Variants in CTNND2 observed in about 807,000 individuals in gnomAD.
CTNND2 encodes catenin delta 2, also known as catenin delta-2.
CTNND2 carries 22 observed loss-of-function variants against 144.4 expected under a neutral mutation model. The observed-to-expected ratio is 0.15, with a 90% CI of 0.11 to 0.22. The LOEUF (loss-of-function observed/expected upper bound fraction) is 0.22. CTNND2 is among the 10% of genes least tolerant of loss of function. The pLI, the probability that CTNND2 is intolerant of heterozygous loss-of-function variation, is 1.00. For missense variants in CTNND2, 1,353 were observed against 1,618.8 expected (o/e 0.84, Z 2.82); for synonymous variants, 751 against 695.6 (o/e 1.08, Z -1.25).
chr5:11,697,213 T>C lies in CTNND2; in HGVS notation c.174+34923A>G, dbSNP rs141734418. The stretch of plus-strand genomic sequence containing the variant: ...CTCACTTTCAACTGTTATACAGAGG[T>C]TGTTGGAAAGTGTGCAAGCTGCCCC... On this transcript the variant is annotated intron_variant, in intron 2 of 21. Coordinates refer to ENST00000304623, the MANE Select transcript of CTNND2 (RefSeq NM_001332.4). Among the ~76,000 whole-genome samples the C allele has an allele frequency of 2.8e-3, 433 of 152,284 alleles. 2 individuals carry two copies. The highest frequency in any genetic ancestry group is 9.5e-3 in the African/African-American group (393 of 41,558).
At chr5:11,317,142 T>C (rs901948299) in intron 9 of CTNND2, among the ~76,000 whole-genome samples, 8 of 152,206 alleles carry the variant, frequency 5.3e-5, no homozygotes, top group African/African-American at 1.9e-4. Context: ...CCAGTTAGAA[T>C]GGCGATCATT....
intron 9 of CTNND2, among the ~76,000 whole-genome samples, chr5:11,294,786 T>C (rs1383280701): frequency 6.6e-6 from 1 of 152,150 alleles, no homozygotes; most frequent in Non-Finnish European, 1.5e-5. Flanking sequence ...TCAACAACCC[T>C]TCATGCTAAA....
intron 14 of CTNND2, among the ~76,000 whole-genome samples, chr5:11,106,460 G>A (rs1018967): frequency 0.19 from 28,503 of 152,178 alleles, 3,147 homozygotes; most frequent in Non-Finnish European, 0.26. Context: ...GGTCAGCAAA[G>A]TGACATAGAG....
intron 2 of CTNND2, among the ~76,000 whole-genome samples, chr5:11,613,287 T>C (rs1465721519): frequency 7.6e-6 from 1 of 131,934 alleles, no homozygotes; most frequent in Admixed American, 7.3e-5. Flanking sequence ...CATAATTTTG[T>C]AGATAAACGT....
At chr5:11,296,496 A>T (rs1186223666) in intron 9 of CTNND2, among the ~76,000 whole-genome samples, 1 of 152,166 alleles carries the variant, frequency 6.6e-6, no homozygotes, top group African/African-American at 2.4e-5. Context: ...TATACCCAAA[A>T]GATTATAAAA....
intron 16 of CTNND2, among the ~76,000 whole-genome samples, chr5:11,065,428 T>C (rs1392168758): frequency 6.6e-6 from 1 of 152,252 alleles, no homozygotes; most frequent in Non-Finnish European, 1.5e-5. Flanking sequence ...TACTTTGTCA[T>C]TCAAATTCTT....
At chr5:11,225,855 A>T (rs1740277438) in intron 10 of CTNND2, among the ~76,000 whole-genome samples, 1 of 152,220 alleles carries the variant, frequency 6.6e-6, no homozygotes, top group African/African-American at 2.4e-5. Flanking sequence ...GGGTCTACAT[A>T]GATGTAATCA....
intron 3 of CTNND2, among the ~76,000 whole-genome samples, chr5:11,468,478 G>A (rs1391459148): frequency 6.6e-6 from 1 of 152,012 alleles, no homozygotes; most frequent in Non-Finnish European, 1.5e-5. Context: ...GAGTTCCATG[G>A]TATCAGCCCC....
intron 3 of CTNND2, among the ~76,000 whole-genome samples, chr5:11,495,235 C>T (rs26139): frequency 0.6 from 91,255 of 151,958 alleles, 28,548 homozygotes; most frequent in African/African-American, 0.77. Flanking sequence ...CAAATGGTCA[C>T]CTTTATTAAT....
At chr5:11,651,714 T>G (rs1389636807) in intron 2 of CTNND2, among the ~76,000 whole-genome samples, 1 of 152,220 alleles carries the variant, frequency 6.6e-6, no homozygotes, top group African/African-American at 2.4e-5. Flanking sequence ...TCAAAGCAGA[T>G]TATTTTGGAG....
chr5:11,083,307 C>T (rs556810081), intron 15 of CTNND2, among the ~76,000 whole-genome samples: 4 of 152,248 alleles, frequency 2.6e-5, no homozygotes, highest in East Asian at 1.9e-4. Context: ...AGTTGCTGAA[C>T]GTGCTGTCAA....
intron 7 of CTNND2, among the ~76,000 whole-genome samples, chr5:11,366,656 G>T (rs1376720342): frequency 7.0e-6 from 1 of 142,000 alleles, no homozygotes; most frequent in Admixed American, 7.4e-5. Context: ...TGAAAATATT[G>T]CTAAGGATTT....
intron 2 of CTNND2, among the ~76,000 whole-genome samples, chr5:11,676,858 T>C (rs1217300570): frequency 6.6e-6 from 1 of 152,224 alleles, no homozygotes; most frequent in Non-Finnish European, 1.5e-5. Context: ...CTTCCATTAA[T>C]ATCAAACCTG....
chr5:11,181,637 C>T (rs1263533488), intron 11 of CTNND2, among the ~76,000 whole-genome samples: 2 of 151,814 alleles, frequency 1.3e-5, no homozygotes, highest in African/African-American at 2.4e-5. Context: ...AGCCAAAAAC[C>T]CAGGAGGCTC....
intron 3 of CTNND2, among the ~76,000 whole-genome samples, chr5:11,524,950 C>T (rs764278779): frequency 2.0e-5 from 3 of 152,106 alleles, no homozygotes; most frequent in Non-Finnish European, 2.9e-5. Flanking sequence ...ATAGCTTACT[C>T]ACAATTCTCA....
At chr5:11,315,778 A>T (rs1287021485) in intron 9 of CTNND2, among the ~76,000 whole-genome samples, 1 of 152,226 alleles carries the variant, frequency 6.6e-6, no homozygotes, top group Non-Finnish European at 1.5e-5. Flanking sequence ...ATGGAAGTGG[A>T]TGGCTACAAT....
intron 3 of CTNND2, among the ~76,000 whole-genome samples, chr5:11,443,139 C>A (rs1764426409): frequency 6.7e-6 from 1 of 150,142 alleles, no homozygotes; most frequent in Non-Finnish European, 1.5e-5. Flanking sequence ...TTTATTACAA[C>A]AAATTCAGAC....
intron 1 of CTNND2, among the ~76,000 whole-genome samples, chr5:11,778,749 A>G (rs1009410569): frequency 3.9e-5 from 6 of 152,198 alleles, no homozygotes; most frequent in African/African-American, 1.4e-4. Context: ...ACATTGAGGA[A>G]ATATGAATGA....
chr5:11,461,534 G>A (rs555306185), intron 3 of CTNND2, among the ~76,000 whole-genome samples: 4 of 152,094 alleles, frequency 2.6e-5, no homozygotes, highest in Non-Finnish European at 5.9e-5. Flanking sequence ...TTTGCTTGGG[G>A]TGGTCTAACG....
Sources: gnomAD v4.1 joint callset for allele counts (sites outside exome capture counted in the v4.1 genomes callset) on GRCh38, gnomAD v4.1.1 for gene constraint, MANE v1.5 for transcripts, NCBI Gene and HGNC (gene_info 2026-07-23, HGNC 2026-07-21) for gene names.